The following KRABD2 variants were observed in gnomAD, a reference collection of about 807,000 sequenced individuals.
The protein encoded by KRABD2 is KRAB domain-containing protein 2.
chr17:8,363,830 CAT>C, the KRABD2 span, among the ~76,000 whole-genome samples: 6,182 of 86,852 alleles, frequency 0.071, 318 homozygotes, highest in Non-Finnish European at 0.088. Context: ...ATATATCATA[CAT>C]ATATATATAT....
the KRABD2 span, chr17:8,367,330 CTA>C: frequency 6.6e-6 from 1 of 151,970 alleles, no homozygotes; most frequent in African/African-American, 2.4e-5. Context: ...AACCCCGTCT[CTA>C]CTAAAAATAC....
At chr17:8,366,073 A>G in the KRABD2 span, among the ~76,000 whole-genome samples, 1 of 152,014 alleles carries the variant, frequency 6.6e-6, no homozygotes, top group Non-Finnish European at 1.5e-5. Flanking sequence ...GGTTGCAGTG[A>G]GCCAAGATTG....
At chr17:8,373,788 CGTCTGGG>C in the KRABD2 span, 1 of 166,996 alleles carries the variant, frequency 6.0e-6, no homozygotes, top group African/African-American at 2.4e-5. Flanking sequence ...CCCGCCGCCC[CGTCTGGG>C]ATGTGAGGAT....
the KRABD2 span, among the ~76,000 whole-genome samples, chr17:8,361,618 T>C: frequency 2.0e-5 from 3 of 152,184 alleles, no homozygotes; most frequent in Non-Finnish European, 2.9e-5. Flanking sequence ...AGGGCTGTGG[T>C]GCAATCGTAG....
the KRABD2 span, among the ~76,000 whole-genome samples, chr17:8,375,538 T>G: frequency 4.8e-5 from 1 of 20,748 alleles, no homozygotes; most frequent in African/African-American, 2.2e-4. Context: ...TTTCTTTCAT[T>G]TTTTTTTTTT....
At chr17:8,365,780 G>T in the KRABD2 span, 3 of 152,244 alleles carry the variant, frequency 2.0e-5, no homozygotes, top group African/African-American at 7.2e-5. Flanking sequence ...CATTAGTGAT[G>T]ATCAGAATGG....
At chr17:8,369,311 T>C in the KRABD2 span, 1 of 1,614,260 alleles carries the variant, frequency 6.2e-7, no homozygotes, top group Non-Finnish European at 8.5e-7. Context: ...CTTCTTCCGT[T>C]TGTAAAGTAG....
chr17:8,369,116 C>T, the KRABD2 span: 1 of 1,594,732 alleles, frequency 6.3e-7, no homozygotes, highest in Non-Finnish European at 8.5e-7. Context: ...TGTGACTGTC[C>T]ACCCAGCAGC....
the KRABD2 span, chr17:8,376,083 G>T: frequency 1.6e-6 from 2 of 1,231,424 alleles, no homozygotes; most frequent in African/African-American, 3.1e-5. Context: ...ATCTTTAGTC[G>T]ACCAGTTCAG....
chr17:8,363,774 TATATATGTCATAC>T, the KRABD2 span, among the ~76,000 whole-genome samples: 3 of 147,520 alleles, frequency 2.0e-5, no homozygotes, highest in South Asian at 2.1e-4. Context: ...ATATCATACA[TATATATGTCATAC>T]ATATATATCA....
At chr17:8,363,844 T>TATATATATCATAC in the KRABD2 span, among the ~76,000 whole-genome samples, 1 of 84,056 alleles carries the variant, frequency 1.2e-5, no homozygotes, top group African/African-American at 4.4e-5. Context: ...TATATATATA[T>TATATATATCATAC]ATATATATAT....
At chr17:8,371,187 T>C in the KRABD2 span, 5 of 886,002 alleles carry the variant, frequency 5.6e-6, no homozygotes, top group Non-Finnish European at 8.6e-6. Flanking sequence ...AAATTTCTTA[T>C]GGCTGAGGAG....
the KRABD2 span, among the ~76,000 whole-genome samples, chr17:8,363,827 A>G: frequency 8.6e-5 from 3 of 34,792 alleles, no homozygotes; most frequent in Non-Finnish European, 1.6e-4. Context: ...TATATATATC[A>G]TACATATATA....
the KRABD2 span, chr17:8,375,859 CTG>C: frequency 1.6e-6 from 2 of 1,218,606 alleles, no homozygotes; most frequent in South Asian, 8.6e-5. Context: ...TCAGAGAAAA[CTG>C]GAAATATTTC....
the KRABD2 span, chr17:8,371,320 G>T: frequency 6.2e-7 from 1 of 1,607,108 alleles, no homozygotes; most frequent in South Asian, 1.1e-5. Context: ...CTGTGGGACC[G>T]TGTTCTCATA....
chr17:8,369,738 A>G, the KRABD2 span: 1 of 1,614,112 alleles, frequency 6.2e-7, no homozygotes, highest in Non-Finnish European at 8.5e-7. Flanking sequence ...CCGTAAAATA[A>G]TAAACTTGGT....
chr17:8,363,852 TA>T, the KRABD2 span, among the ~76,000 whole-genome samples: 32 of 89,176 alleles, frequency 3.6e-4, 2 homozygotes, highest in African/African-American at 7.1e-4. Context: ...TATATATATA[TA>T]TATATATATT....
At chr17:8,370,461 C>T in the KRABD2 span, 25 of 912,626 alleles carry the variant, frequency 2.7e-5, no homozygotes, top group Middle Eastern at 2.5e-3. Flanking sequence ...TCTAAAGTTC[C>T]TCATCAATTC....
At chr17:8,361,448 C>T in the KRABD2 span, among the ~76,000 whole-genome samples, 1 of 152,186 alleles carries the variant, frequency 6.6e-6, no homozygotes, top group South Asian at 2.1e-4. Context: ...CCACCCCACA[C>T]AAAACAAGTG....
Sources: gnomAD v4.1 joint callset for allele counts (sites outside exome capture counted in the v4.1 genomes callset) on GRCh38, gnomAD v4.1.1 for gene constraint, MANE v1.5 for transcripts, NCBI Gene and HGNC (gene_info 2026-07-23, HGNC 2026-07-21) for gene names.